Variants in FER observed in about 807,000 individuals in gnomAD.
The protein encoded by FER is FER tyrosine kinase, also known as tyrosine-protein kinase Fer.
FER carries 63 observed loss-of-function variants against 111.0 expected under a neutral mutation model. That is an observed-to-expected ratio of 0.57 (90% confidence interval 0.46 to 0.70). The LOEUF is 0.70. FER is among the 30% of genes least tolerant of loss of function. FER has a pLI of 0.00. For synonymous variants in FER, 327 were observed against 313.9 expected (o/e 1.04, Z -0.44); for missense variants, 914 against 954.0 (o/e 0.96, Z 0.55).
intron 13 of FER, among the ~76,000 whole-genome samples, chr5:108,994,469 G>T (rs1037541986): frequency 6.6e-6 from 1 of 152,116 alleles, no homozygotes; most frequent in Non-Finnish European, 1.5e-5. Context: ...ATTGGTCTTT[G>T]TGTCTGTTTC....
chr5:108,860,451 A>C lies in FER; in HGVS notation c.482-7316A>C, dbSNP rs149034902. On this transcript the variant is annotated intron_variant, in intron 5 of 19. Transcript: ENST00000281092. ...AAATCAGAAACTAAAATTTAGATTA[A>C]ATGTTTTGCTTGGGGCTGCACATCT... Among the ~76,000 whole-genome samples the C allele has an allele frequency of 1.2e-3, 189 of 152,330 alleles. 5 individuals are homozygous for C. The East Asian group carries it at 0.021, about 17-fold the overall frequency.
intron 16 of FER, among the ~76,000 whole-genome samples, chr5:109,072,640 C>T (rs530625488): frequency 4.6e-5 from 7 of 152,018 alleles, no homozygotes; most frequent in South Asian, 2.1e-4. Context: ...ATCCAGCTAT[C>T]GGACTCAAAG....
rs564265231 is a variant in FER, at chr5:109,175,335, A to G, written c.2049-5412A>G. Among the ~76,000 whole-genome samples the G allele has an allele frequency of 4.6e-5, 7 of 152,318 alleles. No individual in the cohort carries two copies. In the East Asian group the frequency reaches 5.8e-4, roughly 13 times the overall value. On this transcript the variant is annotated intron_variant, in intron 17 of 19. Transcript: ENST00000281092. The stretch of plus-strand genomic sequence containing the variant: ...ACAAAAACCTCATGTTGTAGGTACA[A>G]TTATTATCCCCATTTCACAAATGAG...
intron 18 of FER, among the ~76,000 whole-genome samples, chr5:109,184,473 T>G (rs1467622159): frequency 6.6e-6 from 1 of 152,198 alleles, no homozygotes; most frequent in Non-Finnish European, 1.5e-5. Flanking sequence ...GATCCAGGTT[T>G]CAGAGCTAGG....
chr5:108,931,319 G>A (rs1162752762), intron 10 of FER, among the ~76,000 whole-genome samples: 6 of 151,752 alleles, frequency 4.0e-5, no homozygotes, highest in Admixed American at 2.6e-4. Flanking sequence ...TTTTTTCCAT[G>A]TATTTTTTTT....
At chr5:108,794,524 G>GCCCCCCCCCCCCCCCCCC (rs1415651696) in intron 2 of FER, among the ~76,000 whole-genome samples, 5 of 53,694 alleles carry the variant, frequency 9.3e-5, no homozygotes, top group Admixed American at 1.9e-4. Context: ...TGCCCCCTCC[G>GCCCCCCCCCCCCCCCCCC]CACCCCCCCC....
chr5:108,908,095 C>G lies in FER; in HGVS notation c.1236+10247C>G, dbSNP rs116370095. 7.8e-3 allele frequency among the ~76,000 whole-genome samples: 1,185 copies of G among 152,138 alleles called. 21 individuals are homozygous for G. The highest frequency in any genetic ancestry group is 0.027 in the African/African-American group (1,134 of 41,492). ...CCTTTGATTTTCATTTTTAGATTAA[C>G]TGTTTACCTGATAGAGGTAGTATTA... On this transcript the variant is annotated intron_variant, in intron 10 of 19. Transcript: ENST00000281092.
chr5:109,074,034 A>C (rs1191050650), intron 16 of FER, among the ~76,000 whole-genome samples: 1 of 152,154 alleles, frequency 6.6e-6, no homozygotes, highest in Non-Finnish European at 1.5e-5. Context: ...TGTATTTGAA[A>C]CTTGAGGTTG....
chr5:108,801,522 C>G (rs1580617156), intron 3 of FER, among the ~76,000 whole-genome samples: 1 of 152,192 alleles, frequency 6.6e-6, no homozygotes, highest in African/African-American at 2.4e-5. Flanking sequence ...TGTTGTCCAT[C>G]AGAATATGTT....
chr5:109,044,649 C>T (rs773229838), intron 14 of FER, 31 bp from the exon 15 acceptor site: 2 of 1,136,488 alleles, frequency 1.8e-6, no homozygotes, highest in Non-Finnish European at 2.5e-6. Context: ...CTGTCATTTA[C>T]CCCAGACAAT....
intron 2 of FER, among the ~76,000 whole-genome samples, chr5:108,783,574 T>TGAAC (rs1471603992): frequency 6.6e-6 from 1 of 152,218 alleles, no homozygotes; most frequent in Non-Finnish European, 1.5e-5. Flanking sequence ...TGAGGGCTAG[T>TGAAC]TCAACCTTTT....
At chr5:109,050,789 G>A (rs1297027803) in intron 16 of FER, among the ~76,000 whole-genome samples, 2 of 152,198 alleles carry the variant, frequency 1.3e-5, no homozygotes, top group Non-Finnish European at 2.9e-5. Flanking sequence ...GGAGGGTCAG[G>A]CCTAGAAAGC....
chr5:109,042,257 A>C (rs1300953700), intron 14 of FER, among the ~76,000 whole-genome samples: 11 of 152,272 alleles, frequency 7.2e-5, no homozygotes, highest in African/African-American at 2.6e-4. Flanking sequence ...GAAGGGCAGC[A>C]GCAGAGATGA....
intron 16 of FER, among the ~76,000 whole-genome samples, chr5:109,064,916 A>G (rs1774897775): frequency 6.6e-6 from 1 of 152,196 alleles, no homozygotes; most frequent in Admixed American, 6.5e-5. Context: ...GTTACTATAC[A>G]TGGAAAAGTC....
At chr5:108,790,026 T>A (rs967443971) in intron 2 of FER, among the ~76,000 whole-genome samples, 15 of 152,168 alleles carry the variant, frequency 9.9e-5, no homozygotes, top group African/African-American at 1.4e-4. Context: ...CAGTTTTTTT[T>A]AAAAAATGTA....
intron 17 of FER, among the ~76,000 whole-genome samples, chr5:109,131,110 A>G (rs1289064665): frequency 6.6e-6 from 1 of 152,120 alleles, no homozygotes; most frequent in Non-Finnish European, 1.5e-5. Context: ...CTGATTTTTT[A>G]CTTCAAAGAA....
chr5:108,764,520 C>A lies in FER; in HGVS notation c.-205-3573C>A, dbSNP rs578002763. 3.3e-5 allele frequency among the ~76,000 whole-genome samples: 5 copies of A among 152,238 alleles called. 1 individual carries two copies. In the South Asian group the frequency reaches 1.0e-3, roughly 32 times the overall value. ...TCAAGCGATTCTCCTGCCTCAGCCTCCCAAGTAGCTGGGATTACAGGCATG... is the reference window on the plus strand; with the variant it reads ...TCAAGCGATTCTCCTGCCTCAGCCTACCAAGTAGCTGGGATTACAGGCATG... On this transcript the variant is annotated intron_variant, in intron 1 of 19. Coordinates refer to ENST00000281092, the MANE Select transcript of FER (RefSeq NM_005246.4).
intron 17 of FER, among the ~76,000 whole-genome samples, chr5:109,159,605 T>G (rs1027570774): frequency 2.0e-5 from 3 of 152,176 alleles, no homozygotes; most frequent in Admixed American, 6.5e-5. Context: ...AAATGTGGGG[T>G]GTATAGTACG....
intron 3 of FER, among the ~76,000 whole-genome samples, chr5:108,804,029 C>T (rs1227138882): frequency 2.0e-5 from 3 of 152,110 alleles, no homozygotes; most frequent in Non-Finnish European, 4.4e-5. Flanking sequence ...TGTAGTGCTT[C>T]TTATAGGGAT....
Sources: gnomAD v4.1 joint callset for allele counts (sites outside exome capture counted in the v4.1 genomes callset) on GRCh38, gnomAD v4.1.1 for gene constraint, MANE v1.5 for transcripts, NCBI Gene and HGNC (gene_info 2026-07-23, HGNC 2026-07-21) for gene names.